Variants in TMEM163 observed in about 807,000 individuals in gnomAD.
TMEM163 encodes transmembrane protein 163.
Under a neutral mutation model 29.3 loss-of-function variants are expected in TMEM163, and 17 were observed. The ratio of observed to expected loss-of-function variants is 0.58; its 90% CI spans 0.40 to 0.87. The LOEUF (loss-of-function observed/expected upper bound fraction) is 0.87, where lower values mean the gene tolerates loss of function less well. TMEM163 is among the 40% of genes least tolerant of loss of function. The pLI, the probability that TMEM163 is intolerant of heterozygous loss-of-function variation, is 0.00. For synonymous variants in TMEM163, 157 were observed against 160.6 expected, an observed-to-expected ratio of 0.98 and a Z score of 0.17; for missense variants, 303 against 381.5, an observed-to-expected ratio of 0.79 and a Z score of 1.71.
chr2:134,679,902 A>G (rs1419591653), intron 2 of TMEM163, among the ~76,000 whole-genome samples: 2 of 134,372 alleles, frequency 1.5e-5, no homozygotes, highest in Non-Finnish European at 3.0e-5. Flanking sequence ...TTCCTTCTCT[A>G]ACCACACCGG....
At position 134,460,708 on chromosome 2, in the gene TMEM163, T is replaced by A. The variant is rs553780128; in HGVS notation, c.668-2535A>T. On this transcript the variant is annotated intron_variant, in intron 6 of 7. Transcript: ENST00000281924. The surrounding 1 kb of genome is among the most constrained non-coding windows in gnomAD (Gnocchi z 4.3). Reference sequence around the variant, plus strand: ...AGCGTGAGGTTCCCCAGACAGCCACTAGATGTCTGCTCAGCTCCACCAAGT... The same window carrying A: ...AGCGTGAGGTTCCCCAGACAGCCACAAGATGTCTGCTCAGCTCCACCAAGT... Among the ~76,000 whole-genome samples, 3 of 152,162 alleles carry A rather than the reference T, an allele frequency of 2.0e-5. No homozygotes were observed. Among genetic ancestry groups the A allele is most frequent in the African/African-American group, 7.2e-5 (3 of 41,512 alleles).
At chr2:134,694,369 C>T (rs111319642) in intron 2 of TMEM163, among the ~76,000 whole-genome samples, 3 of 152,202 alleles carry the variant, frequency 2.0e-5, no homozygotes, top group African/African-American at 7.2e-5. Flanking sequence ...AAGAGGGTAA[C>T]GAATCTCTAA....
At chr2:134,679,504 A>G (rs558132897) in intron 2 of TMEM163, among the ~76,000 whole-genome samples, 1 of 152,290 alleles carries the variant, frequency 6.6e-6, no homozygotes, top group Admixed American at 6.5e-5. Flanking sequence ...GAGAATTTAC[A>G]CTTAGAACAA....
chr2:134,571,970 T>A (rs1293286789), intron 2 of TMEM163, among the ~76,000 whole-genome samples: 1 of 152,192 alleles, frequency 6.6e-6, no homozygotes, highest in Non-Finnish European at 1.5e-5. Flanking sequence ...TACTTCTTTA[T>A]GGAAAGTTTA....
chr2:134,561,429 C>T (rs1209252145), intron 2 of TMEM163, among the ~76,000 whole-genome samples: 2 of 151,382 alleles, frequency 1.3e-5, no homozygotes, highest in African/African-American at 4.9e-5. Context: ...AGAATGGTCT[C>T]GATCTACTGA....
chr2:134,625,027 T>G (rs1178798134), intron 2 of TMEM163, among the ~76,000 whole-genome samples: 1 of 152,190 alleles, frequency 6.6e-6, no homozygotes, highest in Non-Finnish European at 1.5e-5. Context: ...GCCTAGTATA[T>G]TACATTTTAA....
At chr2:134,560,132 G>C (rs988538802) in intron 2 of TMEM163, among the ~76,000 whole-genome samples, 2 of 152,080 alleles carry the variant, frequency 1.3e-5, no homozygotes, top group African/African-American at 4.8e-5. Context: ...GGCTGTCCTG[G>C]CCACCGCATT....
chr2:134,686,068 C>T (rs1684344457), intron 2 of TMEM163, among the ~76,000 whole-genome samples: 1 of 152,140 alleles, frequency 6.6e-6, no homozygotes. Context: ...ACCCAGAGTC[C>T]AGCCAGGAGG....
chr2:134,704,574 C>G (rs962255442), intron 2 of TMEM163, among the ~76,000 whole-genome samples: 1 of 152,180 alleles, frequency 6.6e-6, no homozygotes, highest in African/African-American at 2.4e-5. Flanking sequence ...CCCTTAGTCC[C>G]TCGCCCCACT....
Position 134,554,783 on chromosome 2 carries a change from G to A in TMEM163, c.323-2692C>T, listed in dbSNP as rs142887058. Among the ~76,000 whole-genome samples, 486 of 152,246 alleles carry A rather than the reference G, an allele frequency of 3.2e-3. 4 individuals carry two copies. The highest frequency in any genetic ancestry group is 0.011 in the African/African-American group (453 of 41,542). On this transcript the variant is annotated intron_variant, in intron 2 of 7. Transcript: ENST00000281924. ...CCTCAAAATTATGCAGGAACGATCC[G>A]CTTGTGAGAATAAAACCTTCCCAGA...
chr2:134,617,106 A>C (rs1257624557), intron 2 of TMEM163, among the ~76,000 whole-genome samples: 4 of 152,218 alleles, frequency 2.6e-5, no homozygotes, highest in Non-Finnish European at 5.9e-5. Flanking sequence ...AGGTTATATA[A>C]GCACAATATT....
intron 2 of TMEM163, among the ~76,000 whole-genome samples, chr2:134,661,929 C>CTTTTTTT (rs1328565759): frequency 8.2e-6 from 1 of 121,250 alleles, no homozygotes; most frequent in Non-Finnish European, 1.7e-5. Context: ...AATTTTCTTT[C>CTTTTTTT]TTTTTTTTTT....
chr2:134,494,115 C>T (rs777692169), intron 5 of TMEM163, among the ~76,000 whole-genome samples: 7 of 152,172 alleles, frequency 4.6e-5, no homozygotes, highest in African/African-American at 7.2e-5. Context: ...CACACATTCT[C>T]TCTCCCTTCC....
intron 4 of TMEM163, among the ~76,000 whole-genome samples, chr2:134,511,154 G>C (rs568669450): frequency 3.1e-4 from 11 of 35,450 alleles, no homozygotes; most frequent in Non-Finnish European, 4.3e-4. Flanking sequence ...AGAACAAGGC[G>C]GGGGGGGGTG....
intron 2 of TMEM163, among the ~76,000 whole-genome samples, chr2:134,702,479 T>C (rs990974051): frequency 1.3e-5 from 2 of 151,958 alleles, no homozygotes; most frequent in African/African-American, 4.8e-5. Flanking sequence ...ACCGTGTCTC[T>C]ACAAAAAATT....
At chr2:134,515,455 T>G (rs1680038162) in intron 4 of TMEM163, among the ~76,000 whole-genome samples, 1 of 152,252 alleles carries the variant, frequency 6.6e-6, no homozygotes, top group Non-Finnish European at 1.5e-5. Flanking sequence ...TAACCTATTT[T>G]CCAGTGTTTC....
intron 2 of TMEM163, among the ~76,000 whole-genome samples, chr2:134,594,619 T>C (rs1459040430): frequency 1.3e-5 from 2 of 152,226 alleles, no homozygotes; most frequent in Non-Finnish European, 2.9e-5. Flanking sequence ...GGCAGAACTG[T>C]AGATCAGGGA....
chr2:134,684,436 C>A (rs1218828307), intron 2 of TMEM163, among the ~76,000 whole-genome samples: 2 of 151,982 alleles, frequency 1.3e-5, no homozygotes, highest in Non-Finnish European at 2.9e-5. Flanking sequence ...TCAGGTGGTG[C>A]CTTGAAGGAG....
In TMEM163 at chr2:134,660,491, G is replaced by A. The variant is rs549793380; in HGVS notation, c.322+52709C>T. The stretch of plus-strand genomic sequence containing the variant: ...AAAAAGGTAAATCAAGAGTGTCATA[G>A]GTAGAAGCTCAGAGATCACTTTGAA... On this transcript the variant is annotated intron_variant, in intron 2 of 7. Transcript: ENST00000281924. Among the ~76,000 whole-genome samples the A allele has an allele frequency of 1.5e-3, 227 of 152,300 alleles. 1 individual carries two copies. Among genetic ancestry groups the A allele is most frequent in the Non-Finnish European group, 2.7e-3 (185 of 68,032 alleles).
Sources: allele counts gnomAD v4.1 joint callset (sites outside exome capture counted in the v4.1 genomes callset), GRCh38; gene constraint gnomAD v4.1.1; non-coding constraint Gnocchi (gnomAD v3.1); transcripts MANE v1.5; gene names NCBI Gene and HGNC (gene_info 2026-07-23, HGNC 2026-07-21).